ERBB4: variants seen among roughly 807,000 people sequenced by gnomAD.
ERBB4 encodes the protein erb-b2 receptor tyrosine kinase 4.
Under a neutral mutation model 158.0 loss-of-function variants are expected in ERBB4, and 42 were observed. That is an observed-to-expected ratio of 0.27 (90% CI 0.21 to 0.34). The LOEUF (loss-of-function observed/expected upper bound fraction) is 0.34. Ranked by LOEUF, ERBB4 falls within the 10% of genes least tolerant of loss-of-function variation. ERBB4 has a pLI of 1.00. For synonymous variants in ERBB4, 583 were observed against 558.7 expected, an observed-to-expected ratio of 1.04 and a Z score of -0.61; for missense variants, 1,333 against 1,624.1, an observed-to-expected ratio of 0.82 and a Z score of 3.08.
At chr2:211,478,171 A>C (rs1321083781) in intron 20 of ERBB4, among the ~76,000 whole-genome samples, 2 of 152,150 alleles carry the variant, frequency 1.3e-5, no homozygotes, top group Non-Finnish European at 2.9e-5. Flanking sequence ...ACAGAATGAG[A>C]ACTGAGCAAG....
At chr2:211,716,520 C>CA (rs1214245460) in intron 7 of ERBB4, among the ~76,000 whole-genome samples, 1 of 149,940 alleles carries the variant, frequency 6.7e-6, no homozygotes. Flanking sequence ...ACTAAAAATA[C>CA]AAAAAATTAG....
At chr2:211,451,667 G>A (rs915598003) in intron 20 of ERBB4, among the ~76,000 whole-genome samples, 1 of 152,166 alleles carries the variant, frequency 6.6e-6, no homozygotes, top group Admixed American at 6.6e-5. Context: ...AAGCTACAGT[G>A]AACTGGTATA....
Position 212,101,352 on chromosome 2 carries a change from T to TATATATATATATAC in ERBB4, c.234+23399_234+23400insGTATATATATATAT, listed in dbSNP as rs199729279. Among the ~76,000 whole-genome samples the TATATATATATATAC allele has an allele frequency of 9.7e-3, 1,358 of 139,928 alleles. 16 individuals carry two copies. The highest frequency in any genetic ancestry group is 0.032 in the African/African-American group (1,056 of 33,016). The allele number at this position is 139,928 out of a possible 152,430, so 91.8% of individuals were successfully genotyped here. The stretch of plus-strand genomic sequence containing the variant: ...TACAAACACACACACACCCTATACA[T>TATATATATATATAC]ATATATATATATATGTATATGTATT... On this transcript the variant is annotated intron_variant, in intron 2 of 27. Transcript: ENST00000342788.
chr2:211,415,601 T>G (rs1478724984), intron 25 of ERBB4, among the ~76,000 whole-genome samples: 1 of 152,140 alleles, frequency 6.6e-6, no homozygotes, highest in Non-Finnish European at 1.5e-5. Context: ...AAAAATCTCA[T>G]GGTTAATTAC....
intron 13 of ERBB4, among the ~76,000 whole-genome samples, chr2:211,677,735 G>A (rs946705456): frequency 2.0e-5 from 3 of 151,472 alleles, no homozygotes; most frequent in East Asian, 2.0e-4. Context: ...TTAGCCGGGC[G>A]TGGTGGCGGG....
chr2:211,774,019 A>G (rs544546089), intron 4 of ERBB4, among the ~76,000 whole-genome samples: 1 of 151,374 alleles, frequency 6.6e-6, no homozygotes, highest in Non-Finnish European at 1.5e-5. Context: ...GTAAAATCTC[A>G]CTTGGACTAG....
intron 2 of ERBB4, among the ~76,000 whole-genome samples, chr2:212,062,162 T>C (rs1251465686): frequency 6.6e-6 from 1 of 152,164 alleles, no homozygotes; most frequent in Admixed American, 6.5e-5. Context: ...TATTACAAAT[T>C]TTCATCTTTT....
At chr2:211,388,946 A>AT (rs1168778062) in intron 25 of ERBB4, among the ~76,000 whole-genome samples, 1 of 152,308 alleles carries the variant, frequency 6.6e-6, no homozygotes, top group South Asian at 2.1e-4. Context: ...AAATCGCTTG[A>AT]TTTTATGAAG....
intron 1 of ERBB4, among the ~76,000 whole-genome samples, chr2:212,537,253 C>T (rs934647507): frequency 6.6e-6 from 1 of 152,082 alleles, no homozygotes; most frequent in African/African-American, 2.4e-5. Context: ...GGGGCTTTAT[C>T]ACCTCAAGCT....
chr2:211,602,899 C>T (rs547428778), intron 19 of ERBB4, among the ~76,000 whole-genome samples: 2 of 152,208 alleles, frequency 1.3e-5, no homozygotes, highest in Admixed American at 1.3e-4. Context: ...AGATATTACC[C>T]ATCCAGACTG....
chr2:211,802,371 T>A (rs889707324), intron 3 of ERBB4, among the ~76,000 whole-genome samples: 1 of 152,198 alleles, frequency 6.6e-6, no homozygotes, highest in Non-Finnish European at 1.5e-5. Context: ...ATATCTTTCC[T>A]TACAATTAAT....
At chr2:211,551,530 C>A (rs76758214) in intron 20 of ERBB4, among the ~76,000 whole-genome samples, 1 of 152,002 alleles carries the variant, frequency 6.6e-6, no homozygotes. Context: ...ATTCAAACAA[C>A]TGGTATTCAC....
intron 1 of ERBB4, among the ~76,000 whole-genome samples, chr2:212,490,294 C>T (rs1391728155): frequency 6.6e-6 from 1 of 151,894 alleles, no homozygotes. Flanking sequence ...ATGCCTTGCA[C>T]ATAGCGAACT....
chr2:212,180,835 T>C (rs2081836109), intron 1 of ERBB4, among the ~76,000 whole-genome samples: 1 of 151,696 alleles, frequency 6.6e-6, no homozygotes. Flanking sequence ...TGGGGACATT[T>C]AGTGAATGTT....
At chr2:211,515,280 C>A (rs867284584) in intron 20 of ERBB4, among the ~76,000 whole-genome samples, 13 of 152,092 alleles carry the variant, frequency 8.5e-5, no homozygotes, top group Middle Eastern at 6.8e-3. Context: ...AATATGGAGA[C>A]AATTTATTGA....
intron 1 of ERBB4, among the ~76,000 whole-genome samples, chr2:212,293,859 C>CAA (rs58955695): frequency 3.1e-5 from 3 of 97,544 alleles, no homozygotes; most frequent in Admixed American, 1.2e-4. Flanking sequence ...AAAAAAAAAA[C>CAA]AAAAAAAAAA....
intron 2 of ERBB4, among the ~76,000 whole-genome samples, chr2:212,053,656 C>T (rs2077467922): frequency 6.6e-6 from 1 of 152,162 alleles, no homozygotes; most frequent in African/African-American, 2.4e-5. Flanking sequence ...GTTCACAGGG[C>T]AGCCTATGAT....
At chr2:212,054,067 T>TC (rs2077479883) in intron 2 of ERBB4, among the ~76,000 whole-genome samples, 1 of 152,030 alleles carries the variant, frequency 6.6e-6, no homozygotes, top group Non-Finnish European at 1.5e-5. Flanking sequence ...GTAACCTCCT[T>TC]CCCCTCCTCC....
intron 20 of ERBB4, among the ~76,000 whole-genome samples, chr2:211,490,069 C>T (rs910853687): frequency 6.6e-6 from 1 of 152,006 alleles, no homozygotes; most frequent in Non-Finnish European, 1.5e-5. Context: ...TGGGATTAAG[C>T]TCTTATTAAA....
Sources: allele counts gnomAD v4.1 joint callset (sites outside exome capture counted in the v4.1 genomes callset), GRCh38; gene constraint gnomAD v4.1.1; transcripts MANE v1.5; gene names NCBI Gene and HGNC (gene_info 2026-07-23, HGNC 2026-07-21).